Variants in CACNA1D observed in about 807,000 individuals in gnomAD.
CACNA1D encodes voltage-dependent L-type calcium channel subunit alpha-1D.
CACNA1D carries 55 observed loss-of-function variants against 257.1 expected under a neutral mutation model. That is an observed-to-expected ratio of 0.21 (90% CI 0.17 to 0.27). The LOEUF (loss-of-function observed/expected upper bound fraction) is 0.27, where lower values mean the gene tolerates loss of function less well. CACNA1D is among the 10% of genes least tolerant of loss of function. CACNA1D has a pLI of 1.00. For missense variants in CACNA1D, 1,876 were observed against 2,784.0 expected (o/e 0.67, Z 7.34); for synonymous variants, 980 against 1,014.9 (o/e 0.97, Z 0.65).
chr3:53,763,352 C>T (rs940570597), intron 30 of CACNA1D, among the ~76,000 whole-genome samples: 16 of 152,228 alleles, frequency 1.1e-4, no homozygotes, highest in Admixed American at 9.2e-4. Flanking sequence ...GAGCACCTCT[C>T]CCCCTGCAAA....
At position 53,673,908 on chromosome 3, in the gene CACNA1D, C is replaced by G. The variant is rs2094349236; in HGVS notation, c.1220+782C>G. The G allele has an allele frequency of 3.7e-6, 3 of 818,352 alleles. No homozygotes were observed. The highest frequency in any genetic ancestry group is 1.7e-5 in the African/African-American group (1 of 59,946). 50.7% of individuals were successfully genotyped at this position (818,352 alleles called of 1,614,324 possible). On this transcript the variant is annotated intron_variant, in intron 8 of 47. Transcript: ENST00000350061. The surrounding 1 kb of genome is among the most constrained non-coding windows in gnomAD (Gnocchi z 4.1). ...TAGCTGCTCCCTGACAGCTTCTCTG[C>G]ATGTGTTTGGACTCTGATGTCCTCT... is the stretch of plus-strand genomic sequence containing the variant.
At chr3:53,556,499 AATGTT>A (rs1157785438) in intron 3 of CACNA1D, among the ~76,000 whole-genome samples, 1 of 152,136 alleles carries the variant, frequency 6.6e-6, no homozygotes, top group African/African-American at 2.4e-5. Context: ...AATGGATAAT[AATGTT>A]ATGTTATTTC....
chr3:53,592,216 T>C (rs904520228), intron 3 of CACNA1D, among the ~76,000 whole-genome samples: 5 of 152,158 alleles, frequency 3.3e-5, no homozygotes, highest in Admixed American at 6.5e-5. Context: ...GGAAGACTTA[T>C]GTTGATTGGC....
intron 17 of CACNA1D, among the ~76,000 whole-genome samples, chr3:53,731,600 T>C (rs1234906140): frequency 2.0e-5 from 3 of 152,212 alleles, no homozygotes; most frequent in African/African-American, 7.2e-5. Context: ...TCTCTGTTCA[T>C]CGAGTTGATA....
rs913531160 is a variant in CACNA1D at position 53,810,549 on chromosome 3, C to A, written c.6192+251C>A. ...AGGCGGGTGGATCACCTGAGGTCAG[C>A]GGCTCAAAGACCAGCCTTGCCAACA... On this transcript the variant is annotated intron_variant, in intron 47 of 47. Coordinates refer to ENST00000350061, the MANE Select transcript of CACNA1D (RefSeq NM_001128840.3). 8 of 525,648 alleles carry A rather than the reference C, an allele frequency of 1.5e-5. No homozygotes were observed. In the African/African-American group the frequency reaches 1.5e-4, roughly 10 times the overall value. 32.6% of individuals were successfully genotyped at this position (525,648 alleles called of 1,614,324 possible).
At chr3:53,601,308 T>A (rs2093438805) in intron 3 of CACNA1D, among the ~76,000 whole-genome samples, 1 of 152,226 alleles carries the variant, frequency 6.6e-6, no homozygotes, top group South Asian at 2.1e-4. Flanking sequence ...AATATGAAAT[T>A]ACATTCTCAT....
intron 29 of CACNA1D, among the ~76,000 whole-genome samples, chr3:53,758,943 G>A (rs145563021): frequency 2.1e-4 from 32 of 152,210 alleles, no homozygotes; most frequent in Admixed American, 1.0e-3. Context: ...GCCACTTGAC[G>A]GTGATTTTAT....
At chr3:53,802,978 CAGG>C (rs1327957108) in intron 43 of CACNA1D, among the ~76,000 whole-genome samples, 2 of 152,162 alleles carry the variant, frequency 1.3e-5, no homozygotes, top group Non-Finnish European at 2.9e-5. Context: ...TTTGATACAG[CAGG>C]AGGTCAGTGG....
intron 30 of CACNA1D, among the ~76,000 whole-genome samples, chr3:53,766,552 AT>A (rs1158517715): frequency 3.9e-5 from 6 of 152,240 alleles, no homozygotes; most frequent in Non-Finnish European, 8.8e-5. Flanking sequence ...GACTGATTTC[AT>A]TGATTTCACT....
At chr3:53,541,594 G>A (rs2092299026) in intron 3 of CACNA1D, among the ~76,000 whole-genome samples, 1 of 152,264 alleles carries the variant, frequency 6.6e-6, no homozygotes, top group African/African-American at 2.4e-5. Context: ...CCCAAATGGG[G>A]GACTGACCAG....
chr3:53,598,439 T>A (rs916030840), intron 3 of CACNA1D, among the ~76,000 whole-genome samples: 2 of 149,678 alleles, frequency 1.3e-5, no homozygotes, highest in Non-Finnish European at 3.0e-5. Flanking sequence ...CAAAAATTAG[T>A]TTGGGCATGG....
chr3:53,595,394 G>A (rs982559920), intron 3 of CACNA1D, among the ~76,000 whole-genome samples: 3 of 152,178 alleles, frequency 2.0e-5, no homozygotes, highest in Admixed American at 6.5e-5. Context: ...AGGAGTAGAG[G>A]AAAACATGGC....
rs77658730 is a variant in CACNA1D at position 53,663,600 on chromosome 3, C to T, written c.767-2060C>T. Among the ~76,000 whole-genome samples the T allele has an allele frequency of 1.2e-3, 182 of 152,222 alleles. 4 individuals carry two copies. The East Asian group carries it at 0.033, about 28-fold the overall frequency. The stretch of plus-strand genomic sequence containing the variant: ...TTCTGTCCCTTGGCGGGTAGCCTTA[C>T]CCACACTCTGGCACTGAGTATGACT... On this transcript the variant is annotated intron_variant, in intron 5 of 47. Coordinates refer to ENST00000350061, the MANE Select transcript of CACNA1D (RefSeq NM_001128840.3).
intron 3 of CACNA1D, among the ~76,000 whole-genome samples, chr3:53,643,986 TATC>T (rs1559459292): frequency 1.3e-5 from 2 of 152,228 alleles, no homozygotes; most frequent in African/African-American, 4.8e-5. Flanking sequence ...GGGGCGCTGG[TATC>T]ATAGAACTTC....
chr3:53,745,186 G>T (rs972488482), intron 23 of CACNA1D, among the ~76,000 whole-genome samples: 1 of 151,036 alleles, frequency 6.6e-6, no homozygotes, highest in African/African-American at 2.4e-5. Flanking sequence ...TCATTTATGG[G>T]GTGGGGACCC....
chr3:53,534,603 C>T (rs1168817423), intron 3 of CACNA1D, among the ~76,000 whole-genome samples: 2 of 152,282 alleles, frequency 1.3e-5, no homozygotes, highest in African/African-American at 4.8e-5. Context: ...GTCCCCGTCT[C>T]TCTCTGCCCA....
In CACNA1D at chr3:53,636,289, G is replaced by A. The variant is rs138629007; in HGVS notation, c.484-14490G>A. 3.6e-3 allele frequency among the ~76,000 whole-genome samples: 543 copies of A among 152,122 alleles called. 6 individuals are homozygous for A. Among genetic ancestry groups the A allele is most frequent in the South Asian group, 0.022 (106 of 4,818 alleles). ...CACACATAAATGTCATCTGAAACAC[G>A]TTTGAAAAATATATGCGATTTATTT... On this transcript the variant is annotated intron_variant, in intron 3 of 47. Transcript: ENST00000350061.
chr3:53,553,872 TAG>T (rs2092586232), intron 3 of CACNA1D, among the ~76,000 whole-genome samples: 1 of 151,044 alleles, frequency 6.6e-6, no homozygotes, highest in African/African-American at 2.4e-5. Flanking sequence ...CTTTCCATAC[TAG>T]ATATGTTACC....
chr3:53,753,811 A>C (rs890559816), intron 29 of CACNA1D, 129 bp downstream of exon 29: 5 of 710,512 alleles, frequency 7.0e-6, no homozygotes, highest in African/African-American at 1.7e-5. Context: ...ACCACCTGAG[A>C]ACATTAAAAT....
Sources: gnomAD v4.1 joint callset for allele counts (sites outside exome capture counted in the v4.1 genomes callset) on GRCh38, gnomAD v4.1.1 for gene constraint, Gnocchi (gnomAD v3.1) non-coding constraint, MANE v1.5 for transcripts, NCBI Gene and HGNC (gene_info 2026-07-23, HGNC 2026-07-21) for gene names.